The following FGGY variants were observed in gnomAD, a reference collection of about 807,000 sequenced individuals.
FGGY encodes the protein FGGY carbohydrate kinase domain-containing protein.
In FGGY, 72 loss-of-function variants were observed where a neutral mutation model predicts 71.3. The ratio of observed to expected loss-of-function variants is 1.01; its 90% confidence interval spans 0.84 to 1.23. The LOEUF (loss-of-function observed/expected upper bound fraction) is 1.23, where lower values mean the gene tolerates loss of function less well. Among genes scored for constraint, FGGY ranks in the 50% most tolerant of loss-of-function variants. The pLI is 0.00. For missense variants in FGGY, 668 were observed against 682.3 expected, an observed-to-expected ratio of 0.98 and a Z score of 0.23; for synonymous variants, 251 against 250.3, an observed-to-expected ratio of 1.00 and a Z score of -0.02.
At chr1:59,747,985 C>T (rs1002782524) in intron 14 of FGGY, among the ~76,000 whole-genome samples, 1 of 152,160 alleles carries the variant, frequency 6.6e-6, no homozygotes, top group Non-Finnish European at 1.5e-5. Context: ...AAGTACTTAA[C>T]CTCTCTGAGC....
intron 14 of FGGY, among the ~76,000 whole-genome samples, chr1:59,722,026 AT>A (rs756285590): frequency 2.0e-5 from 3 of 152,186 alleles, no homozygotes; most frequent in Non-Finnish European, 4.4e-5. Context: ...TCCCTTTTCT[AT>A]TCTAGCATCC....
At chr1:59,500,477 A>C (rs1479313467) in intron 6 of FGGY, among the ~76,000 whole-genome samples, 3 of 151,982 alleles carry the variant, frequency 2.0e-5, no homozygotes, top group African/African-American at 7.3e-5. Context: ...AATGATCTCA[A>C]ATCTTCACAG....
chr1:59,503,964 A>G lies in FGGY; in HGVS notation c.671-8347A>G, dbSNP rs1417102533. 2.6e-5 allele frequency among the ~76,000 whole-genome samples: 4 copies of G among 152,210 alleles called. No individual in the cohort carries two copies. The East Asian group carries it at 7.7e-4, about 29-fold the overall frequency. On this transcript the variant is annotated intron_variant, in intron 6 of 15. Transcript: ENST00000303721. ...CTCATTCCAGAGAGGGTCCTGCCCC[A>G]TAGCCTAGTGGAAAGAATGCTACAC...
chr1:59,455,021 T>C (rs1476451697), intron 5 of FGGY, among the ~76,000 whole-genome samples: 2 of 152,254 alleles, frequency 1.3e-5, no homozygotes, highest in Admixed American at 6.5e-5. Context: ...TTACCTACCA[T>C]GTAATGGACA....
At chr1:59,409,674 A>G (rs1338943447) in intron 5 of FGGY, among the ~76,000 whole-genome samples, 2 of 151,568 alleles carry the variant, frequency 1.3e-5, no homozygotes, top group African/African-American at 4.9e-5. Context: ...CTTAAGGCCT[A>G]AGTAGGGTTA....
intron 6 of FGGY, among the ~76,000 whole-genome samples, chr1:59,506,181 G>A (rs115900744): frequency 2.6e-3 from 390 of 152,094 alleles, no homozygotes; most frequent in African/African-American, 9.1e-3. Flanking sequence ...TTATTTCAAC[G>A]TAAGATTGTT....
chr1:59,436,019 G>A (rs539439355), intron 5 of FGGY, among the ~76,000 whole-genome samples: 7 of 152,154 alleles, frequency 4.6e-5, no homozygotes, highest in Middle Eastern at 3.4e-3. Flanking sequence ...TGGCACAGTC[G>A]GGATTTGAAC....
At chr1:59,709,875 C>T (rs1190986307) in intron 14 of FGGY, among the ~76,000 whole-genome samples, 3 of 152,224 alleles carry the variant, frequency 2.0e-5, no homozygotes, top group Non-Finnish European at 4.4e-5. Context: ...CTACATGGAA[C>T]CCCTCTGTGT....
At chr1:59,709,046 A>G (rs1372669862) in intron 14 of FGGY, among the ~76,000 whole-genome samples, 26 of 152,248 alleles carry the variant, frequency 1.7e-4, no homozygotes, top group Non-Finnish European at 1.5e-5. Context: ...TGAGATGAAT[A>G]TATGTGTTCA....
intron 6 of FGGY, among the ~76,000 whole-genome samples, chr1:59,491,140 T>C (rs2093845678): frequency 1.2e-5 from 1 of 83,844 alleles, no homozygotes; most frequent in African/African-American, 6.1e-5. Context: ...CCTTCCTTCC[T>C]TCCTTTCTCT....
intron 1 of FGGY, among the ~76,000 whole-genome samples, chr1:59,298,921 G>A (rs930926497): frequency 6.6e-6 from 1 of 152,198 alleles, no homozygotes; most frequent in Non-Finnish European, 1.5e-5. Flanking sequence ...CATACTTTGG[G>A]CCCAGAACTG....
At chr1:59,724,191 C>A (rs892844074) in intron 14 of FGGY, among the ~76,000 whole-genome samples, 3 of 147,240 alleles carry the variant, frequency 2.0e-5, no homozygotes, top group African/African-American at 7.5e-5. Flanking sequence ...AAAAATCCCC[C>A]GTGTTGGCCA....
chr1:59,469,629 G>A (rs1021336280), intron 6 of FGGY, among the ~76,000 whole-genome samples: 1 of 152,036 alleles, frequency 6.6e-6, no homozygotes, highest in Non-Finnish European at 1.5e-5. Context: ...GGGTAGAAGT[G>A]CAGTTTTGTT....
chr1:59,362,191 C>T (rs1198259813), intron 4 of FGGY, among the ~76,000 whole-genome samples: 1 of 139,670 alleles, frequency 7.2e-6, no homozygotes, highest in African/African-American at 2.6e-5. Context: ...TCTTTATTTT[C>T]TTCTTTCTCC....
chr1:59,410,702 A>G (rs1281217347), intron 5 of FGGY, among the ~76,000 whole-genome samples: 1 of 152,242 alleles, frequency 6.6e-6, no homozygotes, highest in East Asian at 1.9e-4. Context: ...AACAGAGAAC[A>G]GGGCTCAGAC....
At chr1:59,393,602 C>T (rs1008898642) in intron 5 of FGGY, among the ~76,000 whole-genome samples, 1 of 152,002 alleles carries the variant, frequency 6.6e-6, no homozygotes, top group African/African-American at 2.4e-5. Context: ...TCTCCCTTCT[C>T]TCTTACTTAC....
intron 5 of FGGY, among the ~76,000 whole-genome samples, chr1:59,446,958 T>C (rs1389674898): frequency 6.6e-6 from 1 of 152,170 alleles, no homozygotes; most frequent in Non-Finnish European, 1.5e-5. Flanking sequence ...TCAGCAGGCA[T>C]GTGCTTTTGA....
rs186636370 is a variant in FGGY, at chr1:59,563,310, G to A, written c.903+9083G>A. 1.4e-3 allele frequency among the ~76,000 whole-genome samples: 207 copies of A among 152,262 alleles called. 1 individual carries two copies. The highest frequency in any genetic ancestry group is 2.6e-3 in the Non-Finnish European group (175 of 68,010). ...TATGGATTGTTTTTAGCATGAAGGGGTGTTGAATTTTATTGGAGGCCTTTT... is the reference window on the plus strand; with the variant it reads ...TATGGATTGTTTTTAGCATGAAGGGATGTTGAATTTTATTGGAGGCCTTTT... On this transcript the variant is annotated intron_variant, in intron 8 of 15. Coordinates refer to ENST00000303721, the MANE Select transcript of FGGY (RefSeq NM_018291.5).
chr1:59,456,219 A>G lies in FGGY; in HGVS notation c.555-742A>G, dbSNP rs184922512. Reference sequence around the variant, plus strand: ...TCATGTTGCTTAAAGCGCATTCCAGATACCATGTATCTTATACAAACATTT... The same window carrying G: ...TCATGTTGCTTAAAGCGCATTCCAGGTACCATGTATCTTATACAAACATTT... On this transcript the variant is annotated intron_variant, in intron 5 of 15. Coordinates refer to ENST00000303721, the MANE Select transcript of FGGY (RefSeq NM_018291.5). 9.2e-5 allele frequency among the ~76,000 whole-genome samples: 14 copies of G among 152,288 alleles called. No homozygotes were observed. In the East Asian group the frequency reaches 2.7e-3, roughly 29 times the overall value.
Sources: allele counts gnomAD v4.1 joint callset (sites outside exome capture counted in the v4.1 genomes callset), GRCh38; gene constraint gnomAD v4.1.1; transcripts MANE v1.5; gene names NCBI Gene and HGNC (gene_info 2026-07-23, HGNC 2026-07-21).